Variants in ABCC1 observed in about 807,000 individuals in gnomAD.
ABCC1 encodes multidrug resistance-associated protein 1.
A neutral mutation model predicts 172.9 loss-of-function variants in ABCC1; 83 were observed. That is an observed-to-expected ratio of 0.48 (90% CI 0.40 to 0.58). The LOEUF is 0.58. Ranked by LOEUF, ABCC1 falls within the 20% of genes least tolerant of loss-of-function variation. The probability of loss-of-function intolerance (pLI) is 0.00; values close to 1 mark genes in which losing one functional copy is unlikely to be tolerated. For synonymous variants in ABCC1, 937 were observed against 825.2 expected (o/e 1.14, Z -2.32); for missense variants, 1,817 against 2,002.7 (o/e 0.91, Z 1.77).
intron 1 of ABCC1, among the ~76,000 whole-genome samples, chr16:15,976,024 G>A (rs1321685536): frequency 1.3e-5 from 2 of 152,004 alleles, no homozygotes; most frequent in Admixed American, 1.3e-4. Context: ...CCAGCACTTT[G>A]GGAGGCTGAG....
intron 29 of ABCC1, among the ~76,000 whole-genome samples, chr16:16,138,057 T>C (rs1027131488): frequency 6.6e-6 from 1 of 151,336 alleles, no homozygotes; most frequent in African/African-American, 2.4e-5. Flanking sequence ...GGGTCTTGCT[T>C]TTTTGCCCAG....
intron 7 of ABCC1, among the ~76,000 whole-genome samples, chr16:16,037,161 C>T (rs9932856): frequency 0.056 from 8,587 of 152,026 alleles, 769 homozygotes; most frequent in African/African-American, 0.19. Flanking sequence ...TCTGCCATGG[C>T]GCGTGACTAT....
intron 28 of ABCC1, among the ~76,000 whole-genome samples, chr16:16,135,287 G>A (rs1317709738): frequency 6.6e-6 from 1 of 152,134 alleles, no homozygotes; most frequent in Non-Finnish European, 1.5e-5. Context: ...GAGTACCCGA[G>A]AGAGAGTAGT....
intron 21 of ABCC1, among the ~76,000 whole-genome samples, chr16:16,107,539 C>T (rs565561788): frequency 3.9e-4 from 59 of 152,298 alleles, no homozygotes; most frequent in African/African-American, 1.3e-3. Flanking sequence ...ATCCACCCAC[C>T]TTGGCCTCCC....
chr16:15,999,539 C>T (rs1028152098), intron 1 of ABCC1, among the ~76,000 whole-genome samples: 20 of 151,256 alleles, frequency 1.3e-4, no homozygotes, highest in East Asian at 2.0e-4. Flanking sequence ...CGTTTGAACC[C>T]GGGAGGCAGA....
chr16:15,959,212 C>G (rs564615362), intron 1 of ABCC1, among the ~76,000 whole-genome samples: 1 of 152,172 alleles, frequency 6.6e-6, no homozygotes, highest in Non-Finnish European at 1.5e-5. Flanking sequence ...AAGAAACTTG[C>G]GGCAGTTTCT....
intron 5 of ABCC1, among the ~76,000 whole-genome samples, chr16:16,031,132 A>G (rs2048545134): frequency 6.6e-6 from 1 of 152,198 alleles, no homozygotes; most frequent in South Asian, 2.1e-4. Flanking sequence ...TACAGGCATG[A>G]GCCACCACAC....
intron 1 of ABCC1, among the ~76,000 whole-genome samples, chr16:15,991,220 TG>T (rs1453883381): frequency 1.3e-5 from 2 of 151,842 alleles, no homozygotes; most frequent in Non-Finnish European, 1.5e-5. Context: ...GAGTGGAATT[TG>T]GGTGTCTCAG....
At chr16:15,983,481 G>A (rs61702942) in intron 1 of ABCC1, among the ~76,000 whole-genome samples, 180 of 151,586 alleles carry the variant, frequency 1.2e-3, no homozygotes, top group African/African-American at 4.2e-3. Context: ...TTTCACCCAG[G>A]TCATGCAGAT....
rs547848492 is a variant in ABCC1 at position 16,124,369 on chromosome 16, A to G, written c.3591-420A>G. On this transcript the variant is annotated intron_variant, in intron 24 of 30. Transcript: ENST00000399410. Reference sequence around the variant, plus strand: ...TGTGTGATTATAGGAGTGACCCACTACGCCCGGCTGTGTGTGTGTGTGTGT... The same window carrying G: ...TGTGTGATTATAGGAGTGACCCACTGCGCCCGGCTGTGTGTGTGTGTGTGT... Among the ~76,000 whole-genome samples, 95 of 56,838 alleles carry G rather than the reference A, an allele frequency of 1.7e-3. 6 individuals carry two copies. In the East Asian group the frequency reaches 0.034, roughly 21 times the overall value. 37.3% of individuals were successfully genotyped at this position (56,838 alleles called of 152,430 possible). A position where few individuals can be genotyped will look rare whatever the true frequency, so the allele number is the denominator to read the frequency against.
chr16:16,099,612 A>G (rs1228494478), intron 19 of ABCC1, among the ~76,000 whole-genome samples: 1 of 152,164 alleles, frequency 6.6e-6, no homozygotes, highest in African/African-American at 2.4e-5. Context: ...CTCTTTTAGG[A>G]CAGGTGAACT....
At chr16:16,126,033 A>C (rs991731416) in intron 26 of ABCC1, 122 bp downstream of exon 26, 1 of 611,688 alleles carries the variant, frequency 1.6e-6, no homozygotes, top group Non-Finnish European at 2.8e-6. Context: ...GTAGAAGTGC[A>C]TCTTAACGCT....
intron 3 of ABCC1, among the ~76,000 whole-genome samples, chr16:16,010,771 G>C (rs1198669638): frequency 6.6e-6 from 1 of 152,156 alleles, no homozygotes; most frequent in East Asian, 1.9e-4. Flanking sequence ...CATCTTACAG[G>C]TGAGGAAACC....
intron 1 of ABCC1, among the ~76,000 whole-genome samples, chr16:15,980,290 A>C (rs935994829): frequency 6.6e-6 from 1 of 152,104 alleles, no homozygotes; most frequent in African/African-American, 2.4e-5. Flanking sequence ...AGATTGCTTG[A>C]GCCCAGGAGT....
chr16:16,050,790 C>T (rs2049398168), intron 10 of ABCC1, among the ~76,000 whole-genome samples: 1 of 150,584 alleles, frequency 6.6e-6, no homozygotes. Flanking sequence ...GTGGTCCCAG[C>T]TACCGTGGAG....
chr16:15,971,444 G>C (rs769457758), intron 1 of ABCC1, among the ~76,000 whole-genome samples: 1 of 152,162 alleles, frequency 6.6e-6, no homozygotes, highest in Non-Finnish European at 1.5e-5. Context: ...TCTAAGAGCC[G>C]GGGCTTTACA....
chr16:16,137,198 A>G lies in ABCC1; in HGVS notation c.4292+554A>G, dbSNP rs555715153. ...ATAAAGCAACGATCATTGCTGCCATACGAGGGCAGTCAGCCAGGTGGCTCT... is the reference window on the plus strand; with the variant it reads ...ATAAAGCAACGATCATTGCTGCCATGCGAGGGCAGTCAGCCAGGTGGCTCT... On this transcript the variant is annotated intron_variant, in intron 29 of 30. Coordinates refer to ENST00000399410, the MANE Select transcript of ABCC1 (RefSeq NM_004996.4). 8.5e-5 allele frequency among the ~76,000 whole-genome samples: 13 copies of G among 152,256 alleles called. No individual in the cohort carries two copies. In the South Asian group the frequency reaches 2.7e-3, roughly 32 times the overall value.
chr16:16,109,632 G>T (rs1216637689), intron 21 of ABCC1, among the ~76,000 whole-genome samples: 1 of 152,196 alleles, frequency 6.6e-6, no homozygotes, highest in African/African-American at 2.4e-5. Context: ...ATGTCAGGCG[G>T]CTAGACACAT....
chr16:15,958,929 C>T (rs1305373281), intron 1 of ABCC1, among the ~76,000 whole-genome samples: 2 of 152,162 alleles, frequency 1.3e-5, no homozygotes, highest in Non-Finnish European at 2.9e-5. Context: ...CCAAACCTGG[C>T]CTCTACCCCC....
Sources: gnomAD v4.1 joint callset for allele counts (sites outside exome capture counted in the v4.1 genomes callset) on GRCh38, gnomAD v4.1.1 for gene constraint, MANE v1.5 for transcripts, NCBI Gene and HGNC (gene_info 2026-07-23, HGNC 2026-07-21) for gene names.